Variants in MGAM observed in about 807,000 individuals in gnomAD.
The protein encoded by MGAM is maltase-glucoamylase.
In MGAM, 253 loss-of-function variants were observed where a neutral mutation model predicts 358.8. The ratio of observed to expected loss-of-function variants is 0.71; its 90% confidence interval spans 0.64 to 0.78. The LOEUF (loss-of-function observed/expected upper bound fraction) is 0.78. Ranked by LOEUF, MGAM falls within the 30% of genes least tolerant of loss-of-function variation. The pLI is 0.00. For synonymous variants in MGAM, 1,105 were observed against 1,227.1 expected (o/e 0.90, Z 2.08); for missense variants, 3,080 against 3,432.6 (o/e 0.90, Z 2.57).
intron 57 of MGAM, among the ~76,000 whole-genome samples, chr7:142,090,310 T>C (rs1372419883): frequency 6.9e-6 from 1 of 145,654 alleles, no homozygotes; most frequent in Non-Finnish European, 1.6e-5. Flanking sequence ...GGGATACAAT[T>C]CTGACTCAGC....
intron 16 of MGAM, 89 bp from the exon 17 acceptor site, chr7:142,036,080 C>A: frequency 1.0e-6 from 1 of 979,024 alleles, no homozygotes. Context: ...GAGGTTTAAG[C>A]AAGGTTCAGT....
chr7:142,076,126 G>A, intron 45 of MGAM, 77 bp from the exon 46 acceptor site: 1 of 1,143,198 alleles, frequency 8.7e-7, no homozygotes, highest in Non-Finnish European at 1.3e-6. Flanking sequence ...GGATGTAACT[G>A]AAAAGAGTGG....
At chr7:142,101,970 A>G (rs1816485565) in intron 68 of MGAM, among the ~76,000 whole-genome samples, 2 of 152,156 alleles carry the variant, frequency 1.3e-5, no homozygotes, top group Non-Finnish European at 2.9e-5. Flanking sequence ...GGGCCAGCAC[A>G]CAGGAAAGAG....
At chr7:142,030,850 GT>G in intron 12 of MGAM, 93 bp downstream of exon 12, 2 of 786,802 alleles carry the variant, frequency 2.5e-6, no homozygotes, top group Non-Finnish European at 4.3e-6. Flanking sequence ...GCATGTAATT[GT>G]TTTATTGTAC....
intron 1 of MGAM, among the ~76,000 whole-genome samples, chr7:141,996,177 G>T (rs1804214464): frequency 6.6e-6 from 1 of 151,898 alleles, no homozygotes; most frequent in Non-Finnish European, 1.5e-5. Flanking sequence ...GCGGGCGCCT[G>T]TAGTCCCAGC....
rs1563156605 is a variant in MGAM at position 142,045,187 on chromosome 7, G to GTGATATATAATATGTATATTATATAACAT, written c.2499-2598_2499-2597insTGATATATAATATGTATATTATATAACAT. ...AATATATATATTATATAACATATATGATATATAATATATATTATATAACAT... is the reference window on the plus strand; with the variant it reads ...AATATATATATTATATAACATATATGTGATATATAATATGTATATTATATAACATATATATAATATATATTATATAACAT... On this transcript the variant is annotated intron_variant, in intron 21 of 70. Coordinates refer to ENST00000475668, the MANE Select transcript of MGAM (RefSeq NM_001365693.1). Among the ~76,000 whole-genome samples, 29 of 69,590 alleles carry GTGATATATAATATGTATATTATATAACAT rather than the reference G, an allele frequency of 4.2e-4. 3 individuals carry two copies. The highest frequency in any genetic ancestry group is 2.4e-3 in the African/African-American group (28 of 11,596). The allele number at this position is 69,590 out of a possible 152,430, so 45.7% of individuals were successfully genotyped here. A position where few individuals can be genotyped will look rare whatever the true frequency, so the allele number is the denominator to read the frequency against.
chr7:142,096,301 T>G, intron 64 of MGAM, 30 bp from the exon 65 acceptor site: 2 of 1,580,514 alleles, frequency 1.3e-6, no homozygotes, highest in South Asian at 2.2e-5. Context: ...TCTGTTGGGC[T>G]CTGTTGGGCA....
At chr7:142,085,122 C>T (rs1034058867) in intron 54 of MGAM, among the ~76,000 whole-genome samples, 2 of 146,594 alleles carry the variant, frequency 1.4e-5, no homozygotes, top group African/African-American at 4.9e-5. Flanking sequence ...ATGGAATACA[C>T]GGATCCTGGA....
Position 142,036,937 on chromosome 7 carries a change from C to T in MGAM, c.2191C>T (p.His731Tyr). Reference sequence around the variant, plus strand: ...CCTATACACCCTCTTCTTCCGTGCTCACAGCCGAGGGGACACGGTGGCCAG... The same window carrying T: ...CCTATACACCCTCTTCTTCCGTGCTTACAGCCGAGGGGACACGGTGGCCAG... ...PYLYTLFFRA[H>Y]SRGDTVARPL... Residue 731 changes from histidine (H) to tyrosine (Y), a missense_variant, in exon 18 of 71, where the codon CAC becomes TAC. This residue lies in a region of MGAM where 1,816 missense variants were observed against 1,840.5 expected (regional missense o/e 0.99). Transcript: ENST00000475668. The T allele has an allele frequency of 1.2e-6, 2 of 1,613,724 alleles. No homozygotes were observed. Among genetic ancestry groups the T allele is most frequent in the Non-Finnish European group, 8.5e-7 (1 of 1,179,690 alleles).
At chr7:142,084,668 G>C (rs1814604347) in intron 54 of MGAM, 24 bp downstream of exon 54, 1 of 1,548,436 alleles carries the variant, frequency 6.5e-7, no homozygotes, top group African/African-American at 1.3e-5. Flanking sequence ...CATGGCTCTG[G>C]AGTTTGAAAA....
At chr7:142,026,958 G>A (rs1426447030) in intron 8 of MGAM, among the ~76,000 whole-genome samples, 157 bp from the exon 9 acceptor site, 2 of 152,142 alleles carry the variant, frequency 1.3e-5, no homozygotes, top group Non-Finnish European at 2.9e-5. Context: ...GGGTGGACTT[G>A]GATGGTCAGG....
rs745339479 is a variant in MGAM, at chr7:142,103,461, C to T, written c.8184+22C>T. ...ACAGGTTTGTGACCAGCAAAAAGTGCGAATGGTATTCTCCACCCTTAATAT... is the reference window on the plus strand; with the variant it reads ...ACAGGTTTGTGACCAGCAAAAAGTGTGAATGGTATTCTCCACCCTTAATAT... On this transcript the variant is annotated intron_variant, in intron 70 of 70. Coordinates refer to ENST00000475668, the MANE Select transcript of MGAM (RefSeq NM_001365693.1). 25 of 1,571,342 alleles carry T rather than the reference C, an allele frequency of 1.6e-5. No individual in the cohort carries two copies. The East Asian group carries it at 3.2e-4, about 20-fold the overall frequency.
chr7:142,012,098 C>G (rs1262594646), intron 3 of MGAM, among the ~76,000 whole-genome samples: 1 of 152,180 alleles, frequency 6.6e-6, no homozygotes, highest in Non-Finnish European at 1.5e-5. Flanking sequence ...CTTTCAACTT[C>G]TAAAATTCCT....
Position 142,094,642 on chromosome 7 carries a change from C to G in MGAM, c.7329C>G (p.Phe2443Leu). 6.2e-7 allele frequency: 1 copy of G among 1,611,014 alleles called. No individual in the cohort carries two copies. The highest frequency in any genetic ancestry group is 1.1e-5 in the South Asian group (1 of 90,940). Residue 2443 changes from phenylalanine (F) to leucine (L), a missense_variant, in exon 62 of 71, where the codon TTC becomes TTG. Transcript: ENST00000475668. Reference sequence around the variant, plus strand: ...CAGGCATGATGGAGTTCAGCCTCTTCGGCATATCCTATGTGAGTGTCCTTG... The same window carrying G: ...CAGGCATGATGGAGTTCAGCCTCTTGGGCATATCCTATGTGAGTGTCCTTG... Reference protein sequence around the residue: ...SIIGMMEFSLFGISYTGADIC... With the variant: ...SIIGMMEFSLLGISYTGADIC...
rs1460173200 is a variant in MGAM at position 142,027,062 on chromosome 7, A to G, written c.983-53A>G. 12 of 1,309,090 alleles carry G rather than the reference A, an allele frequency of 9.2e-6. No homozygotes were observed. In the African/African-American group the frequency reaches 1.2e-4, roughly 13 times the overall value. 81.1% of individuals were successfully genotyped at this position (1,309,090 alleles called of 1,614,324 possible). A position where few individuals can be genotyped will look rare whatever the true frequency, so the allele number is the denominator to read the frequency against. ...CTGTGTTATTTTAAAACTTGTAGTTACTATTCAAGAATCAATTCTGATTTT... is the reference window on the plus strand; with the variant it reads ...CTGTGTTATTTTAAAACTTGTAGTTGCTATTCAAGAATCAATTCTGATTTT... On this transcript the variant is annotated intron_variant, in intron 8 of 70. Transcript: ENST00000475668.
chr7:141,990,204 T>C (rs1342064307), intron 2 of MGAM, among the ~76,000 whole-genome samples: 1 of 152,200 alleles, frequency 6.6e-6, no homozygotes, highest in Non-Finnish European at 1.5e-5. Flanking sequence ...AAAGGGGAAA[T>C]GTCAGAACGA....
In MGAM at chr7:142,036,302, A is replaced by G; in HGVS notation, c.2076+17A>G. The G allele has an allele frequency of 5.1e-6, 8 of 1,561,948 alleles. No individual in the cohort carries two copies. Among genetic ancestry groups the G allele is most frequent in the Non-Finnish European group, 7.0e-6 (8 of 1,144,258 alleles). On this transcript the variant is annotated intron_variant, in intron 17 of 70. Coordinates refer to ENST00000475668, the MANE Select transcript of MGAM (RefSeq NM_001365693.1). ...GGCTACAAGGTAAGGCTCCTAGGAC[A>G]TAGAGTCAGAATAAATTTGGCATAC...
rs1373032416 is a variant in MGAM, at chr7:142,050,800, C to T, written c.2741C>T (p.Thr914Ile). 1.9e-6 allele frequency: 3 copies of T among 1,613,810 alleles called. No homozygotes were observed. The highest frequency in any genetic ancestry group is 3.3e-5 in the Admixed American group (2 of 59,998). Residue 914 changes from threonine (T) to isoleucine (I), a missense_variant, in exon 24 of 71, where the codon ACA becomes ATA. Around this residue, in one of 5 missense-constraint regions of MGAM, gnomAD observed 1,816 missense variants for 1,840.5 expected, o/e 0.99. Coordinates refer to ENST00000475668, the MANE Select transcript of MGAM (RefSeq NM_001365693.1). ...ILGTEEPSNVTVKHNGVPSQT... is the reference protein window; with the variant it reads ...ILGTEEPSNVIVKHNGVPSQT... ...GGGACGGAGGAACCTAGCAATGTTACAGTGAAACACAATGGTGTCCCAAGT... is the reference window on the plus strand; with the variant it reads ...GGGACGGAGGAACCTAGCAATGTTATAGTGAAACACAATGGTGTCCCAAGT...
chr7:142,099,508 A>G (rs1816256494), intron 66 of MGAM, 105 bp from the exon 67 acceptor site: 20 of 1,554,882 alleles, frequency 1.3e-5, no homozygotes, highest in Non-Finnish European at 1.7e-5. Flanking sequence ...AAGGGTGATG[A>G]GCAGGCATAA....
Sources: gnomAD v4.1 joint callset for allele counts (sites outside exome capture counted in the v4.1 genomes callset) on GRCh38, gnomAD v4.1.1 for gene constraint, gnomAD v4.1.1 regional missense constraint, MANE v1.5 for transcripts, NCBI Gene and HGNC (gene_info 2026-07-23, HGNC 2026-07-21) for gene names.